The following DVL2 variants were observed in gnomAD, a reference collection of about 807,000 sequenced individuals.
DVL2 encodes segment polarity protein dishevelled homolog DVL-2.
Under a neutral mutation model 69.8 loss-of-function variants are expected in DVL2, and 38 were observed. The ratio of observed to expected loss-of-function variants is 0.54; its 90% CI spans 0.42 to 0.71. DVL2 has a LOEUF of 0.71. Ranked by LOEUF, DVL2 falls within the 30% of genes least tolerant of loss-of-function variation. The pLI is 0.00. For synonymous variants in DVL2, 428 were observed against 392.4 expected (o/e 1.09, Z -1.07); for missense variants, 931 against 1,008.1 (o/e 0.92, Z 1.04).
chr17:7,233,601 C>A (rs371755989), intron 1 of DVL2, among the ~76,000 whole-genome samples: 5 of 152,128 alleles, frequency 3.3e-5, no homozygotes, highest in African/African-American at 9.7e-5. Context: ...CGTGCCCCCA[C>A]GCCCGGCTAA....
chr17:7,226,274 G>A lies in DVL2; in HGVS notation c.1802C>T (p.Ala601Val), dbSNP rs2071445149. ...CTCCTCGGGCCTCCCCGTGCGCCCT[G>A]CCCCCCCATCACTCCGTGTCGACCC... The part of the protein sequence containing the change: ...SSGSTRSDGG[A>V]GRTGRPEERA... Residue 601 changes from alanine to valine, a missense_variant, in exon 15 of 15, where the codon GCA (alanine) becomes GTA (valine). Ala to Val is a moderately conservative substitution (Grantham distance 64, BLOSUM62 0). Coordinates refer to ENST00000005340, the MANE Select transcript of DVL2 (RefSeq NM_004422.3). 1 of 1,596,346 alleles carries A rather than the reference G, an allele frequency of 6.3e-7. No individual in the cohort carries two copies. Among genetic ancestry groups the A allele is most frequent in the African/African-American group, 1.3e-5 (1 of 74,452 alleles).
chr17:7,230,497 G>T, intron 2 of DVL2, 67 bp from the exon 3 acceptor site: 1 of 1,582,024 alleles, frequency 6.3e-7, no homozygotes, highest in Non-Finnish European at 8.6e-7. Flanking sequence ...GGCAGTAAGT[G>T]AAAGAATGAG....
chr17:7,226,411 G>A lies in DVL2; in HGVS notation c.1762+10C>T. On this transcript the variant is annotated intron_variant, in intron 14 of 14. Transcript: ENST00000005340. Reference sequence around the variant, plus strand: ...GATCCTGGCCGTACAGGTATGTGGGGATGACTTACCCTCACTATGCTGGCT... The same window carrying A: ...GATCCTGGCCGTACAGGTATGTGGGAATGACTTACCCTCACTATGCTGGCT... 2 of 1,530,194 alleles carry A rather than the reference G, an allele frequency of 1.3e-6. No homozygotes were observed. Among genetic ancestry groups the A allele is most frequent in the African/African-American group, 2.8e-5 (2 of 72,254 alleles). 94.8% of individuals were successfully genotyped at this position (1,530,194 alleles called of 1,614,324 possible).
At chr17:7,233,087 C>CAAAAAAAAAAAACAAAAA (rs2071568823) in intron 1 of DVL2, among the ~76,000 whole-genome samples, 1 of 36,284 alleles carries the variant, frequency 2.8e-5, no homozygotes, top group Non-Finnish European at 6.1e-5. Context: ...GAGACTGTCT[C>CAAAAAAAAAAAACAAAAA]AAAAAAAAAA....
Position 7,229,470 on chromosome 17 carries a change from A to G in DVL2, c.748-23T>C, listed in dbSNP as rs1329962073. ...CGTCTGTGGTGGGAAAAGGAGCCAG[A>G]GTGCCCTTCAATAACCCAGGGTCAA... On this transcript the variant is annotated intron_variant, in intron 6 of 14. Coordinates refer to ENST00000005340, the MANE Select transcript of DVL2 (RefSeq NM_004422.3). The surrounding 1 kb of genome is among the most constrained non-coding windows in gnomAD (Gnocchi z 4.4). The G allele has an allele frequency of 6.2e-7, 1 of 1,614,060 alleles. No individual in the cohort carries two copies. The highest frequency in any genetic ancestry group is 8.5e-7 in the Non-Finnish European group (1 of 1,179,952).
chr17:7,233,106 A>AAAAAAAAAAAAAAAAAAAC (rs1567576745), intron 1 of DVL2, among the ~76,000 whole-genome samples: 1 of 150,052 alleles, frequency 6.7e-6, no homozygotes, highest in Non-Finnish European at 1.5e-5. Flanking sequence ...AAAAAAAAAA[A>AAAAAAAAAAAAAAAAAAAC]AGCAGAGGTT....
Position 7,227,544 on chromosome 17 carries a change from G to A in DVL2, c.1232-9C>T. 6.2e-6 allele frequency: 10 copies of A among 1,613,690 alleles called. No homozygotes were observed. Among genetic ancestry groups the A allele is most frequent in the Non-Finnish European group, 8.5e-6 (10 of 1,179,616 alleles). ...ACCCCGGCCTTCACAGCCTGGCAGA[G>A]GAGACAACGGGTAACCAGAGTCAGG... is the stretch of plus-strand genomic sequence containing the variant. On this transcript the variant is annotated splice_polypyrimidine_tract_variant and intron_variant, in intron 11 of 14. Transcript: ENST00000005340.
chr17:7,234,316 C>T lies in DVL2; in HGVS notation c.-54G>A. 1.3e-6 allele frequency: 2 copies of T among 1,561,146 alleles called. No individual in the cohort carries two copies. Among genetic ancestry groups the T allele is most frequent in the South Asian group, 1.2e-5 (1 of 83,242 alleles). ...CCGCCCACCCAAAGGGCTAATGGCCCCTGCCGCGCCTGCGCACACCCGCAA... is the reference window on the plus strand; with the variant it reads ...CCGCCCACCCAAAGGGCTAATGGCCTCTGCCGCGCCTGCGCACACCCGCAA... On this transcript the variant is annotated 5_prime_UTR_variant, in exon 1 of 15. Coordinates refer to ENST00000005340, the MANE Select transcript of DVL2 (RefSeq NM_004422.3).
At position 7,225,657 on chromosome 17, in the gene DVL2, C is replaced by A; in HGVS notation, c.*208G>T. ...ACCCCCAAAAAGGCTTATAAAAAAA[C>A]AAAGCTAAAAATAATCAAAGGTCCC... On this transcript the variant is annotated 3_prime_UTR_variant, in exon 15 of 15. Transcript: ENST00000005340. The A allele has an allele frequency of 1.8e-6, 1 of 563,614 alleles. No individual in the cohort carries two copies. Among genetic ancestry groups the A allele is most frequent in the South Asian group, 2.3e-5 (1 of 43,602 alleles). 34.9% of individuals were successfully genotyped at this position (563,614 alleles called of 1,614,324 possible).
In DVL2 at chr17:7,228,883, T is replaced by C. The variant is rs564156713; in HGVS notation, c.1034+86A>G. On this transcript the variant is annotated intron_variant, in intron 9 of 14. Transcript: ENST00000005340. ...AGGCTCGAGCCACCACGCCCGGCTGTCTTAGTACTTATTAAAATTCCAAAA... is the reference window on the plus strand; with the variant it reads ...AGGCTCGAGCCACCACGCCCGGCTGCCTTAGTACTTATTAAAATTCCAAAA... 7.8e-5 allele frequency: 111 copies of C among 1,419,886 alleles called. No individual in the cohort carries two copies. In the African/African-American group the frequency reaches 9.9e-4, roughly 13 times the overall value. The allele number at this position is 1,419,886 out of a possible 1,614,324, so 88.0% of individuals were successfully genotyped here. A position where few individuals can be genotyped will look rare whatever the true frequency, so the allele number is the denominator to read the frequency against.
At chr17:7,227,023 C>A in intron 13 of DVL2, 67 bp downstream of exon 13, 3 of 1,507,290 alleles carry the variant, frequency 2.0e-6, no homozygotes, top group Non-Finnish European at 1.8e-6. Context: ...TGGGCTAGGT[C>A]TAGGGTTGGA....
intron 1 of DVL2, 126 bp from the exon 2 acceptor site, chr17:7,230,923 T>A (rs541403648): frequency 1.6e-6 from 1 of 625,562 alleles, no homozygotes; most frequent in South Asian, 2.2e-5. Flanking sequence ...GTTCAGGTCT[T>A]CTCTTACATT....
rs776456838 is a variant in DVL2, at chr17:7,229,837, C to G, written c.627G>C (p.Gly209=). 6.2e-7 allele frequency: 1 copy of G among 1,612,470 alleles called. No individual in the cohort carries two copies. The highest frequency in any genetic ancestry group is 2.2e-5 in the East Asian group (1 of 44,892). The change falls in exon 5 of 15, where the codon GGG becomes GGC. Residue 209 remains glycine, a synonymous_variant. Transcript: ENST00000005340. This position sits in a 1 kb window ranked among gnomAD's most constrained non-coding sequence, Gnocchi z 4.4. ...MTSELESTSL[G]DSDEEDTMSR... is the part of the protein sequence containing the mutation. ...TCATGGTGTCCTCCTCGTCCGAGTC[C>G]CCCAGGCTGGTACTCTCCAGCTCGC...
At chr17:7,233,601 C>T (rs371755989) in intron 1 of DVL2, among the ~76,000 whole-genome samples, 1 of 152,128 alleles carries the variant, frequency 6.6e-6, no homozygotes, top group Admixed American at 6.5e-5. Flanking sequence ...CGTGCCCCCA[C>T]GCCCGGCTAA....
chr17:7,230,918 G>A (rs757516226), intron 1 of DVL2, 121 bp from the exon 2 acceptor site: 22 of 658,584 alleles, frequency 3.3e-5, no homozygotes, highest in African/African-American at 5.6e-5. Flanking sequence ...GCCCTGTTCA[G>A]GTCTTCTCTT....
chr17:7,233,903 A>G (rs1342974246), intron 1 of DVL2, 166 bp downstream of exon 1: 2 of 742,880 alleles, frequency 2.7e-6, no homozygotes, highest in Non-Finnish European at 4.6e-6. Context: ...CTATCCAAGC[A>G]TAACCTTGTC....
rs151078780 is a variant in DVL2, at chr17:7,225,474, C to T, written c.*391G>A. 1.7e-5 allele frequency: 7 copies of T among 424,058 alleles called. No homozygotes were observed. In the East Asian group the frequency reaches 2.6e-4, roughly 16 times the overall value. The allele number at this position is 424,058 out of a possible 1,614,324, so 26.3% of individuals were successfully genotyped here. A position where few individuals can be genotyped will look rare whatever the true frequency, so the allele number is the denominator to read the frequency against. ...TCTAGGATGCCTAACCCCGGGGTAC[C>T]GCTGACCACCCCCAACCCTGCAAAG... On this transcript the variant is annotated 3_prime_UTR_variant, in exon 15 of 15. Transcript: ENST00000005340.
Position 7,226,295 on chromosome 17 carries a change from G to A in DVL2, c.1781C>T (p.Ser594Leu), listed in dbSNP as rs765905839. 5 of 1,575,446 alleles carry A rather than the reference G, an allele frequency of 3.2e-6. No homozygotes were observed. The highest frequency in any genetic ancestry group is 1.2e-5 in the South Asian group (1 of 85,738). ...CCCTGCCCCCCCATCACTCCGTGTC[G>A]ACCCACTGCTCCGGCTGCCTGTGGA... ...QHSEGSRSSG[S>L]TRSDGGAGRT... is the part of the protein sequence containing the mutation. The change falls in exon 15 of 15, where the codon TCG (serine) becomes TTG (leucine). Residue 594 changes from serine (S) to leucine (L), a missense_variant. Physicochemically the swap from Ser to Leu is moderately radical, Grantham distance 145. Around this residue, in one of 3 missense-constraint regions of DVL2, gnomAD observed 314 missense variants for 313.7 expected, o/e 1.00. Coordinates refer to ENST00000005340, the MANE Select transcript of DVL2 (RefSeq NM_004422.3).
rs955388339 is a variant in DVL2 at position 7,234,315 on chromosome 17, C to T, written c.-53G>A. 7.7e-6 allele frequency: 12 copies of T among 1,564,624 alleles called. No homozygotes were observed. In the East Asian group the frequency reaches 1.3e-4, roughly 18 times the overall value. Reference sequence around the variant, plus strand: ...ACCGCCCACCCAAAGGGCTAATGGCCCCTGCCGCGCCTGCGCACACCCGCA... The same window carrying T: ...ACCGCCCACCCAAAGGGCTAATGGCTCCTGCCGCGCCTGCGCACACCCGCA... On this transcript the variant is annotated 5_prime_UTR_variant, in exon 1 of 15. Transcript: ENST00000005340.
Sources: gnomAD v4.1 joint callset for allele counts (sites outside exome capture counted in the v4.1 genomes callset) on GRCh38, gnomAD v4.1.1 for gene constraint, gnomAD v4.1.1 regional missense constraint, Gnocchi (gnomAD v3.1) non-coding constraint, MANE v1.5 for transcripts, NCBI Gene and HGNC (gene_info 2026-07-23, HGNC 2026-07-21) for gene names.